TBC1D5: variants seen among roughly 807,000 people sequenced by gnomAD.
The protein encoded by TBC1D5 is TBC1 domain family, member 5.
TBC1D5 carries 75 observed loss-of-function variants against 100.3 expected under a neutral mutation model. The ratio of observed to expected loss-of-function variants is 0.75; its 90% CI spans 0.62 to 0.91. TBC1D5 has a LOEUF of 0.91. Ranked by LOEUF, TBC1D5 falls within the 40% of genes least tolerant of loss-of-function variation. TBC1D5 has a pLI of 0.00. For missense variants in TBC1D5, 910 were observed against 942.4 expected (o/e 0.97, Z 0.45); for synonymous variants, 323 against 325.6 (o/e 0.99, Z 0.09).
intron 2 of TBC1D5, among the ~76,000 whole-genome samples, chr3:17,586,911 C>G (rs1482937707): frequency 6.6e-6 from 1 of 151,964 alleles, no homozygotes; most frequent in African/African-American, 2.4e-5. Flanking sequence ...GAGGAACATA[C>G]TATTCTAACA....
intron 2 of TBC1D5, among the ~76,000 whole-genome samples, chr3:17,560,305 T>C (rs986237338): frequency 4.6e-5 from 7 of 152,096 alleles, no homozygotes; most frequent in African/African-American, 1.7e-4. Flanking sequence ...GGAAAACCTA[T>C]TGTTTAAGAA....
At chr3:17,581,676 G>C (rs1259139000) in intron 2 of TBC1D5, among the ~76,000 whole-genome samples, 3 of 152,086 alleles carry the variant, frequency 2.0e-5, no homozygotes, top group Admixed American at 1.3e-4. Context: ...TCTTCTACAT[G>C]ATCTCTCTGC....
intron 1 of TBC1D5, among the ~76,000 whole-genome samples, chr3:17,635,136 T>C (rs767515227): frequency 6.6e-6 from 1 of 152,200 alleles, no homozygotes; most frequent in Non-Finnish European, 1.5e-5. Flanking sequence ...ACTGTGCTAC[T>C]AGAAGGATGG....
At chr3:17,595,083 TTTCTCTCGTGCTAGATGC>T (rs1245359495) in intron 2 of TBC1D5, among the ~76,000 whole-genome samples, 1 of 152,170 alleles carries the variant, frequency 6.6e-6, no homozygotes, top group Non-Finnish European at 1.5e-5. Flanking sequence ...AGCCTACATC[TTTCTCTCGTGCTAGATGC>T]TTCTTGCCCT....
At chr3:17,310,666 T>C (rs2150618198) in intron 13 of TBC1D5, among the ~76,000 whole-genome samples, 1 of 152,080 alleles carries the variant, frequency 6.6e-6, no homozygotes, top group African/African-American at 2.4e-5. Flanking sequence ...TTGTTAGTGG[T>C]GGCACAAAAA....
rs139379199 is a variant in TBC1D5, at chr3:17,720,888, A to C, written c.-101+18455T>G. ...GGAGTCTCACTCTGTCATCCAGGCT[A>C]GAGTGCAGTGGCACAATCTTGGTTC... On this transcript the variant is annotated intron_variant, in intron 1 of 21. Transcript: ENST00000253692. Among the ~76,000 whole-genome samples, 196 of 151,310 alleles carry C rather than the reference A, an allele frequency of 1.3e-3. 1 individual carries two copies. Among genetic ancestry groups the C allele is most frequent in the Non-Finnish European group, 2.6e-3 (174 of 67,836 alleles).
chr3:17,463,567 A>G (rs2095251107), intron 3 of TBC1D5, among the ~76,000 whole-genome samples: 1 of 152,218 alleles, frequency 6.6e-6, no homozygotes, highest in Non-Finnish European at 1.5e-5. Flanking sequence ...AAACTAAGTA[A>G]TTAACATAAA....
At chr3:17,525,522 T>C (rs1347469245) in intron 2 of TBC1D5, among the ~76,000 whole-genome samples, 4 of 152,212 alleles carry the variant, frequency 2.6e-5, no homozygotes, top group African/African-American at 9.7e-5. Context: ...ATGAATACAA[T>C]TCCATTCTTT....
rs114855756 is a variant in TBC1D5 at position 17,338,762 on chromosome 3, G to A, written c.996-30628C>T. ...TGAAACAAATTATGCACATACTTAC[G>A]TCTTGTAATTTATTTAATTGCTTTC... On this transcript the variant is annotated intron_variant, in intron 13 of 21. Transcript: ENST00000253692. 5.8e-3 allele frequency among the ~76,000 whole-genome samples: 888 copies of A among 152,246 alleles called. 8 individuals carry two copies. The highest frequency in any genetic ancestry group is 9.1e-3 in the Non-Finnish European group (618 of 68,014).
At position 17,458,770 on chromosome 3, in the gene TBC1D5, C is replaced by T. The variant is rs924946860; in HGVS notation, c.98-30251G>A. On this transcript the variant is annotated intron_variant, in intron 3 of 21. Coordinates refer to ENST00000253692, the Ensembl canonical transcript of TBC1D5. ...ATTTGGGAGTGATGTCTTTCCAGCT[C>T]ACTACATCTCTGATCAGAAACCGTA... is the stretch of plus-strand genomic sequence containing the variant. Among the ~76,000 whole-genome samples the T allele has an allele frequency of 3.9e-5, 6 of 152,228 alleles. 1 individual carries two copies. In the South Asian group the frequency reaches 6.2e-4, roughly 16 times the overall value.
chr3:17,372,140 C>T (rs777833864), exon 13 of TBC1D5: 1 of 1,613,788 alleles, frequency 6.2e-7, no homozygotes, highest in Non-Finnish European at 8.5e-7. Flanking sequence ...TATCATGCTT[C>T]TTCAGTAGAT....
At chr3:17,638,172 T>C (rs1186505713) in intron 1 of TBC1D5, among the ~76,000 whole-genome samples, 1 of 152,142 alleles carries the variant, frequency 6.6e-6, no homozygotes, top group African/African-American at 2.4e-5. Flanking sequence ...ACATAATGAA[T>C]ATGCCATACA....
intron 2 of TBC1D5, among the ~76,000 whole-genome samples, chr3:17,555,190 T>C (rs1576676267): frequency 6.6e-6 from 1 of 152,292 alleles, no homozygotes; most frequent in Non-Finnish European, 1.5e-5. Flanking sequence ...AATGAATTTA[T>C]TAACTCTGTA....
intron 2 of TBC1D5, among the ~76,000 whole-genome samples, chr3:17,561,615 A>G (rs1479016297): frequency 6.6e-6 from 1 of 152,156 alleles, no homozygotes; most frequent in East Asian, 1.9e-4. Flanking sequence ...ACCAGGCCTC[A>G]ATAAGATTAT....
At chr3:17,736,849 A>G (rs971725113) in intron 1 of TBC1D5, among the ~76,000 whole-genome samples, 11 of 152,064 alleles carry the variant, frequency 7.2e-5, no homozygotes, top group African/African-American at 2.4e-4. Flanking sequence ...CGTCTCTACT[A>G]AAAATACAAA....
intron 19 of TBC1D5, among the ~76,000 whole-genome samples, chr3:17,178,972 T>C (rs1385842701): frequency 6.6e-6 from 1 of 152,270 alleles, no homozygotes; most frequent in African/African-American, 2.4e-5. Flanking sequence ...CATCTTGATA[T>C]GTTGCACAGG....
At chr3:17,736,975 T>C (rs771901005) in intron 1 of TBC1D5, among the ~76,000 whole-genome samples, 1 of 152,032 alleles carries the variant, frequency 6.6e-6, no homozygotes, top group Admixed American at 6.6e-5. Flanking sequence ...ATCGCGCCAC[T>C]GCACTCCAGC....
chr3:17,401,280 C>T (rs6804414), intron 8 of TBC1D5, among the ~76,000 whole-genome samples: 132,247 of 136,272 alleles, frequency 0.97, 64,233 homozygotes, highest in East Asian at 0.99. Flanking sequence ...GTGTATAATA[C>T]ACATATATAT....
At chr3:17,515,421 A>G (rs2095972213) in intron 2 of TBC1D5, among the ~76,000 whole-genome samples, 1 of 152,202 alleles carries the variant, frequency 6.6e-6, no homozygotes, top group Admixed American at 6.5e-5. Context: ...CAGCAAACAC[A>G]TAGCACTTAT....
Sources: gnomAD v4.1 joint callset for allele counts (sites outside exome capture counted in the v4.1 genomes callset) on GRCh38, gnomAD v4.1.1 for gene constraint, MANE v1.5 for transcripts, NCBI Gene and HGNC (gene_info 2026-07-23, HGNC 2026-07-21) for gene names.